TRANK1: variants seen among roughly 807,000 people sequenced by gnomAD.
The protein encoded by TRANK1 is tetratricopeptide repeat and ankyrin repeat containing 1.
TRANK1 carries 198 observed loss-of-function variants against 266.0 expected under a neutral mutation model. That is an observed-to-expected ratio of 0.74 (90% CI 0.66 to 0.84). The LOEUF is 0.84. Among genes scored for constraint, TRANK1 ranks in the 40% least tolerant of loss-of-function variants. The pLI, the probability that TRANK1 is intolerant of heterozygous loss-of-function variation, is 0.00. For missense variants in TRANK1, 3,326 were observed against 3,634.6 expected (o/e 0.92, Z 2.18); for synonymous variants, 1,396 against 1,384.1 (o/e 1.01, Z -0.19).
At chr3:36,858,688 G>C in intron 12 of TRANK1, 30 bp downstream of exon 12, 2 of 1,467,128 alleles carry the variant, frequency 1.4e-6, no homozygotes, top group Non-Finnish European at 1.8e-6. Flanking sequence ...CCTCCTCAAG[G>C]AGACGGCTGC....
In TRANK1 at chr3:36,879,970, A is replaced by G. The variant is rs2079493413; in HGVS notation, c.908-5674T>C. ...TGCAAATATATGTAAACATGCAAAT[A>G]TATGTAAACATGCAAATATATGTAA... On this transcript the variant is annotated intron_variant, in intron 8 of 23. Transcript: ENST00000645898. Among the ~76,000 whole-genome samples the G allele has an allele frequency of 1.8e-4, 2 of 11,186 alleles. 1 individual carries two copies. The highest frequency in any genetic ancestry group is 2.8e-4 in the Non-Finnish European group (2 of 7,246). The allele number at this position is 11,186 out of a possible 152,430, so 7.3% of individuals were successfully genotyped here.
chr3:36,905,260 T>C (rs1162755934), intron 2 of TRANK1, among the ~76,000 whole-genome samples: 10 of 145,488 alleles, frequency 6.9e-5, no homozygotes, highest in Admixed American at 2.1e-4. Context: ...CGTTGCACTC[T>C]AGCCTGGGAG....
At position 36,857,001 on chromosome 3, in the gene TRANK1, G is replaced by C. The variant is rs750079090; in HGVS notation, c.2721C>G (p.Phe907Leu). 6.2e-7 allele frequency: 1 copy of C among 1,613,942 alleles called. No individual in the cohort carries two copies. The highest frequency in any genetic ancestry group is 1.7e-5 in the Admixed American group (1 of 60,020). ...CAGGGTTCTCACTGCATCGAGGGGA[G>C]AAGTCAATGGCGAGCTCCCAGAGCA... Reference protein sequence around the residue: ...ARMLWELAIDFSPRCSENPEK... With the variant: ...ARMLWELAIDLSPRCSENPEK... The change falls in exon 13 of 24, where the codon TTC becomes TTG. Residue 907 changes from phenylalanine to leucine, a missense_variant. By Grantham distance (22) the Phe-to-Leu change is conservative. Coordinates refer to ENST00000645898, the MANE Select transcript of TRANK1 (RefSeq NM_001329998.2). This position sits in a 1 kb window ranked among gnomAD's most constrained non-coding sequence, Gnocchi z 4.3.
chr3:36,918,510 A>AAGGAAGGAAGGAAGGAAG (rs1559473205), intron 1 of TRANK1, among the ~76,000 whole-genome samples: 1 of 36,406 alleles, frequency 2.7e-5, no homozygotes, highest in African/African-American at 1.2e-4. Context: ...AAAGAAAGAA[A>AAGGAAGGAAGGAAGGAAG]GAAAGAAAGA....
intron 1 of TRANK1, among the ~76,000 whole-genome samples, chr3:36,937,198 C>G (rs1034169690): frequency 6.6e-6 from 1 of 152,206 alleles, no homozygotes; most frequent in Non-Finnish European, 1.5e-5. Flanking sequence ...AGACCCTAAG[C>G]CATCCCTCCC....
chr3:36,881,614 AAAAT>A (rs781065326), intron 8 of TRANK1, among the ~76,000 whole-genome samples: 1 of 152,198 alleles, frequency 6.6e-6, no homozygotes, highest in Non-Finnish European at 1.5e-5. Flanking sequence ...ATCTCTCTCA[AAAAT>A]AAATAAATAA....
intron 9 of TRANK1, among the ~76,000 whole-genome samples, chr3:36,870,975 A>G (rs1211752775): frequency 3.3e-4 from 50 of 151,500 alleles, no homozygotes; most frequent in African/African-American, 1.2e-3. Flanking sequence ...AAAAAAAAAA[A>G]AAAAAAAAAA....
intron 1 of TRANK1, among the ~76,000 whole-genome samples, chr3:36,931,845 T>C (rs534962680): frequency 1.3e-5 from 2 of 152,172 alleles, no homozygotes; most frequent in Admixed American, 6.5e-5. Flanking sequence ...GTTTAGGAGT[T>C]TGAGGTTACA....
At position 36,857,965 on chromosome 3, in the gene TRANK1, A is replaced by T. The variant is rs1263699935; in HGVS notation, c.1757T>A (p.Val586Asp). The change falls in exon 13 of 24, where the codon GTC becomes GAC. Residue 586 changes from valine to aspartate, a missense_variant. Transcript: ENST00000645898. The surrounding 1 kb of genome is among the most constrained non-coding windows in gnomAD (Gnocchi z 4.3). ...PTEFDYLNPN[V>D]QDSNGNTLMH... is the part of the protein sequence containing the mutation. Reference sequence around the variant, plus strand: ...CAGCGTGTTCCCATTGCTGTCCTGGACATTGGGGTTGAGGTAGTCGAATTC... The same window carrying T: ...CAGCGTGTTCCCATTGCTGTCCTGGTCATTGGGGTTGAGGTAGTCGAATTC... 5.6e-6 allele frequency: 9 copies of T among 1,601,068 alleles called. No homozygotes were observed. Among genetic ancestry groups the T allele is most frequent in the Non-Finnish European group, 7.6e-6 (9 of 1,179,746 alleles).
chr3:36,833,643 C>A lies in TRANK1; in HGVS notation c.5940G>T (p.Arg1980Ser). ...CCTGGAAGTCCTTGTCGGCAGTGAG[C>A]CTGGCAGCCTCCAGGAGGCAGCCAT... Reference protein sequence around the residue: ...KQHGCLLEAARLTADKDFQAS... With the variant: ...KQHGCLLEAASLTADKDFQAS... Residue 1980 changes from arginine to serine, a missense_variant, in exon 22 of 24, where the codon AGG (arginine) becomes AGT (serine). Arg to Ser is a moderately radical substitution (Grantham distance 110, BLOSUM62 -1). Transcript: ENST00000645898. 1 of 1,613,910 alleles carries A rather than the reference C, an allele frequency of 6.2e-7. No homozygotes were observed. The highest frequency in any genetic ancestry group is 8.5e-7 in the Non-Finnish European group (1 of 1,179,832).
chr3:36,831,005 C>T lies in TRANK1; in HGVS notation c.8578G>A (p.Glu2860Lys), dbSNP rs774447459. The change falls in exon 22 of 24, where the codon GAG becomes AAG. Residue 2860 changes from glutamate (E) to lysine (K), a missense_variant. Transcript: ENST00000645898. The surrounding 1 kb of genome is among the most constrained non-coding windows in gnomAD (Gnocchi z 5.0). ...TGACTGTGGATCCATACACTTTGCT[C>T]GATGTCCTGCACCACCAGCTTGCCT... The part of the protein sequence containing the change: ...DEGKLVVQDI[E>K]QSVWIHSHVG... 6.2e-7 allele frequency: 1 copy of T among 1,614,006 alleles called. No individual in the cohort carries two copies. Among genetic ancestry groups the T allele is most frequent in the Non-Finnish European group, 8.5e-7 (1 of 1,179,890 alleles).
intron 8 of TRANK1, among the ~76,000 whole-genome samples, chr3:36,879,864 A>G (rs149933862): frequency 1.0e-5 from 1 of 99,690 alleles, no homozygotes; most frequent in Non-Finnish European, 1.8e-5. Flanking sequence ...ATACAAATAT[A>G]TGTAAACATA....
intron 8 of TRANK1, among the ~76,000 whole-genome samples, chr3:36,882,074 G>A (rs752641594): frequency 1.3e-5 from 2 of 152,090 alleles, no homozygotes; most frequent in Admixed American, 6.5e-5. Context: ...TCTTATTTGG[G>A]CATGTTTACC....
At chr3:36,872,468 A>T (rs913150045) in intron 9 of TRANK1, among the ~76,000 whole-genome samples, 4 of 152,100 alleles carry the variant, frequency 2.6e-5, no homozygotes, top group Non-Finnish European at 5.9e-5. Flanking sequence ...GAAAGGAGAA[A>T]CTTTTTTTAA....
In TRANK1 at chr3:36,917,155, T is replaced by C. The variant is rs2080137906; in HGVS notation, c.24-8701A>G. Among the ~76,000 whole-genome samples the C allele has an allele frequency of 2.0e-5, 3 of 152,094 alleles. No homozygotes were observed. In the South Asian group the frequency reaches 6.2e-4, roughly 32 times the overall value. On this transcript the variant is annotated intron_variant, in intron 1 of 23. Coordinates refer to ENST00000645898, the MANE Select transcript of TRANK1 (RefSeq NM_001329998.2). ...TTGGATTTTCTTTTATACAAATACA[T>C]ACACTCACACCCACACACACACACA...
intron 9 of TRANK1, among the ~76,000 whole-genome samples, chr3:36,872,621 G>T (rs1449425356): frequency 6.6e-6 from 1 of 152,056 alleles, no homozygotes; most frequent in Non-Finnish European, 1.5e-5. Context: ...TGCAGCAATG[G>T]ACAAGATAAA....
chr3:36,871,101 T>C (rs542593760), intron 9 of TRANK1, among the ~76,000 whole-genome samples: 6 of 151,494 alleles, frequency 4.0e-5, no homozygotes, highest in Admixed American at 3.3e-4. Context: ...AAATATAAAA[T>C]TTGCAGGCTG....
At chr3:36,876,715 C>T (rs1048212785) in intron 8 of TRANK1, among the ~76,000 whole-genome samples, 1 of 152,202 alleles carries the variant, frequency 6.6e-6, no homozygotes, top group Non-Finnish European at 1.5e-5. Context: ...CTTCACACAA[C>T]GGAGTAAAAG....
At chr3:36,902,409 G>T (rs2079896988) in intron 3 of TRANK1, among the ~76,000 whole-genome samples, 1 of 152,152 alleles carries the variant, frequency 6.6e-6, no homozygotes, top group East Asian at 1.9e-4. Context: ...AGTGGCTATT[G>T]AATTTAAGGC....
Sources: allele counts gnomAD v4.1 joint callset (sites outside exome capture counted in the v4.1 genomes callset), GRCh38; gene constraint gnomAD v4.1.1; non-coding constraint Gnocchi (gnomAD v3.1); transcripts MANE v1.5; gene names NCBI Gene and HGNC (gene_info 2026-07-23, HGNC 2026-07-21).